COL19A1: variants seen among roughly 807,000 people sequenced by gnomAD.
COL19A1 encodes the protein collagen type XIX alpha 1 chain, also known as collagen alpha-1(XIX) chain.
COL19A1 carries 159 observed loss-of-function variants against 190.2 expected under a neutral mutation model. The ratio of observed to expected loss-of-function variants is 0.84; its 90% CI spans 0.73 to 0.95. The LOEUF (loss-of-function observed/expected upper bound fraction) is 0.95, where lower values mean the gene tolerates loss of function less well. Among genes scored for constraint, COL19A1 ranks in the 40% least tolerant of loss-of-function variants. The pLI, the probability that COL19A1 is intolerant of heterozygous loss-of-function variation, is 0.00. For synonymous variants in COL19A1, 509 were observed against 458.9 expected (o/e 1.11, Z -1.39); for missense variants, 1,418 against 1,431.9 (o/e 0.99, Z 0.16).
At chr6:70,095,258 A>AT (rs563941131) in intron 15 of COL19A1, among the ~76,000 whole-genome samples, 7 of 151,930 alleles carry the variant, frequency 4.6e-5, no homozygotes, top group South Asian at 2.1e-4. Context: ...AATAAACCAC[A>AT]TTTTTTTTAT....
At chr6:70,059,814 T>G (rs367626576) in intron 14 of COL19A1, 1 of 514,102 alleles carries the variant, frequency 1.9e-6, no homozygotes, top group African/African-American at 2.0e-5. Flanking sequence ...AATCTGTATG[T>G]GTGCAAAATT....
intron 15 of COL19A1, among the ~76,000 whole-genome samples, chr6:70,081,814 A>C (rs1185218770): frequency 6.6e-6 from 1 of 152,150 alleles, no homozygotes; most frequent in East Asian, 1.9e-4. Flanking sequence ...GTTTATTCTT[A>C]CTTTTTTAAA....
chr6:69,904,436 G>A (rs1457898760), intron 4 of COL19A1, among the ~76,000 whole-genome samples: 1 of 152,172 alleles, frequency 6.6e-6, no homozygotes, highest in African/African-American at 2.4e-5. Flanking sequence ...TCTCAGAGGT[G>A]GAGCAAGAAA....
intron 5 of COL19A1, among the ~76,000 whole-genome samples, chr6:69,928,819 T>A (rs1772563615): frequency 6.6e-6 from 1 of 152,194 alleles, no homozygotes; most frequent in East Asian, 1.9e-4. Context: ...TAGTTTTTAC[T>A]TGTGTACATA....
chr6:70,072,962 TA>T (rs1441436025), intron 15 of COL19A1, among the ~76,000 whole-genome samples: 1 of 62,432 alleles, frequency 1.6e-5, no homozygotes, highest in Non-Finnish European at 4.7e-5. Context: ...GCCTGAATTT[TA>T]TTTATTTATT....
At chr6:70,157,496 AT>A (rs1338558092) in intron 34 of COL19A1, among the ~76,000 whole-genome samples, 1 of 152,148 alleles carries the variant, frequency 6.6e-6, no homozygotes, top group East Asian at 1.9e-4. Context: ...CCTTGATGTT[AT>A]TGTAGAAAAT....
rs1319250568 is a variant in COL19A1, at chr6:70,209,358, T to G, written c.*2084T>G. On this transcript the variant is annotated 3_prime_UTR_variant, in exon 51 of 51. Coordinates refer to ENST00000620364, the MANE Select transcript of COL19A1 (RefSeq NM_001858.6). ...TGCCTGTTTGCTAATTTAAAAATAT[T>G]TATTTTATCATTTTAATGTTTTCAT... 1 of 152,404 alleles carries G rather than the reference T, an allele frequency of 6.6e-6. No individual in the cohort carries two copies. The highest frequency in any genetic ancestry group is 2.4e-5 in the African/African-American group (1 of 41,446). The allele number at this position is 152,404 out of a possible 1,614,324, so 9.4% of individuals were successfully genotyped here.
intron 49 of COL19A1, among the ~76,000 whole-genome samples, chr6:70,203,468 G>A (rs1767671978): frequency 6.6e-6 from 1 of 152,168 alleles, no homozygotes; most frequent in Admixed American, 6.5e-5. Flanking sequence ...GGACATGTGT[G>A]TGTGTGTCAA....
chr6:69,938,121 G>C lies in COL19A1; in HGVS notation c.936+21G>C, dbSNP rs775017429. The C allele has an allele frequency of 2.5e-6, 4 of 1,607,624 alleles. No homozygotes were observed. In the African/African-American group the frequency reaches 5.4e-5, roughly 22 times the overall value. ...AGCCGGTAAGAAAAAAACAAATACTGATGGAGAAAACAGGGTTTTGTTAAA... is the reference window on the plus strand; with the variant it reads ...AGCCGGTAAGAAAAAAACAAATACTCATGGAGAAAACAGGGTTTTGTTAAA... On this transcript the variant is annotated intron_variant, in intron 9 of 50. Coordinates refer to ENST00000620364, the MANE Select transcript of COL19A1 (RefSeq NM_001858.6).
chr6:69,927,683 A>G (rs1180721867), intron 4 of COL19A1, among the ~76,000 whole-genome samples: 1 of 152,162 alleles, frequency 6.6e-6, no homozygotes, highest in Non-Finnish European at 1.5e-5. Context: ...GAATAAGGAA[A>G]TGTCACAATT....
At chr6:70,195,556 G>A (rs895240325) in intron 48 of COL19A1, among the ~76,000 whole-genome samples, 2 of 152,162 alleles carry the variant, frequency 1.3e-5, no homozygotes, top group Non-Finnish European at 1.5e-5. Flanking sequence ...GCTCCTCCAT[G>A]CAGAGGCAGA....
chr6:70,113,072 G>T (rs961784266), intron 16 of COL19A1, among the ~76,000 whole-genome samples: 18 of 152,126 alleles, frequency 1.2e-4, no homozygotes, highest in African/African-American at 4.3e-4. Context: ...GGATGCTAGC[G>T]ATATCTTAGA....
intron 31 of COL19A1, among the ~76,000 whole-genome samples, chr6:70,155,457 A>T (rs551506300): frequency 6.6e-6 from 1 of 152,226 alleles, no homozygotes; most frequent in African/African-American, 2.4e-5. Flanking sequence ...TGTTTATCTT[A>T]TGAGCTCAGA....
chr6:69,984,548 T>G (rs1776214218), intron 11 of COL19A1, among the ~76,000 whole-genome samples: 1 of 152,168 alleles, frequency 6.6e-6, no homozygotes. Flanking sequence ...CATCCTGTTC[T>G]TAAGTCGCAA....
intron 14 of COL19A1, among the ~76,000 whole-genome samples, chr6:70,053,504 T>C (rs1050130221): frequency 6.6e-6 from 1 of 152,196 alleles, no homozygotes; most frequent in African/African-American, 2.4e-5. Flanking sequence ...TCATAACTAA[T>C]CTTATTAATG....
chr6:69,993,724 A>T (rs1562068710), intron 11 of COL19A1, among the ~76,000 whole-genome samples: 1 of 151,714 alleles, frequency 6.6e-6, no homozygotes, highest in East Asian at 1.9e-4. Flanking sequence ...TTTCTTCTAG[A>T]TTTTCTAGTT....
intron 4 of COL19A1, among the ~76,000 whole-genome samples, chr6:69,916,425 T>C (rs1256056431): frequency 6.6e-6 from 1 of 152,230 alleles, no homozygotes; most frequent in Non-Finnish European, 1.5e-5. Flanking sequence ...AGAGAAAATA[T>C]TCCTGATTTT....
At chr6:69,930,591 G>T (rs1321076044) in intron 6 of COL19A1, among the ~76,000 whole-genome samples, 1 of 152,048 alleles carries the variant, frequency 6.6e-6, no homozygotes, top group Non-Finnish European at 1.5e-5. Context: ...GGCCGAGGTG[G>T]GCAGATGACG....
chr6:70,113,685 G>T lies in COL19A1; in HGVS notation c.1279-8195G>T, dbSNP rs1190223230. On this transcript the variant is annotated intron_variant, in intron 16 of 50. Coordinates refer to ENST00000620364, the MANE Select transcript of COL19A1 (RefSeq NM_001858.6). ...TTAACTTCCTTCCTTTTCCATCTCA[G>T]CCTAACTCTGATCTTTCTTTCTCCT... is the stretch of plus-strand genomic sequence containing the variant. Among the ~76,000 whole-genome samples the T allele has an allele frequency of 2.0e-5, 3 of 151,914 alleles. No homozygotes were observed. In the South Asian group the frequency reaches 6.2e-4, roughly 32 times the overall value.
Sources: gnomAD v4.1 joint callset for allele counts (sites outside exome capture counted in the v4.1 genomes callset) on GRCh38, gnomAD v4.1.1 for gene constraint, MANE v1.5 for transcripts, NCBI Gene and HGNC (gene_info 2026-07-23, HGNC 2026-07-21) for gene names.